Variants in CACNA1H observed in about 807,000 individuals in gnomAD.
CACNA1H encodes voltage-dependent T-type calcium channel subunit alpha-1H.
Under a neutral mutation model 192.5 loss-of-function variants are expected in CACNA1H, and 149 were observed. The ratio of observed to expected loss-of-function variants is 0.77; its 90% CI spans 0.68 to 0.89. The LOEUF (loss-of-function observed/expected upper bound fraction) is 0.89, where lower values mean the gene tolerates loss of function less well. Ranked by LOEUF, CACNA1H falls within the 40% of genes least tolerant of loss-of-function variation. CACNA1H has a pLI of 0.00. For missense variants in CACNA1H, 4,257 were observed against 3,423.5 expected, an observed-to-expected ratio of 1.24 and a Z score of -6.08; for synonymous variants, 2,202 against 1,475.2, an observed-to-expected ratio of 1.49 and a Z score of -11.29.
At chr16:1,200,083 TC>T (rs375730563) in intron 6 of CACNA1H, among the ~76,000 whole-genome samples, 172 bp from the exon 7 acceptor site, 127 of 152,232 alleles carry the variant, frequency 8.3e-4, no homozygotes, top group African/African-American at 3.0e-3. Context: ...TGACCCTCAG[TC>T]CTATCATGCC....
Position 1,207,444 on chromosome 16 carries a change from G to A in CACNA1H, c.3063+14G>A, listed in dbSNP as rs1456671246. 2 of 1,611,490 alleles carry A rather than the reference G, an allele frequency of 1.2e-6. No individual in the cohort carries two copies. The highest frequency in any genetic ancestry group is 2.2e-5 in the South Asian group (2 of 90,886). ...TTCCAGGCGGAGGTGAGGGGGCAGG[G>A]AGAGGGGCTGCCAGGAGGAGGGCGA... On this transcript the variant is annotated intron_variant, in intron 14 of 34. Coordinates refer to ENST00000348261, the MANE Select transcript of CACNA1H (RefSeq NM_021098.3).
intron 16 of CACNA1H, among the ~76,000 whole-genome samples, chr16:1,208,482 A>G (rs1024283665): frequency 6.6e-6 from 1 of 152,194 alleles, no homozygotes; most frequent in Non-Finnish European, 1.5e-5. Context: ...CAGCACAGAA[A>G]GACCGAAGCA....
At position 1,210,511 on chromosome 16, in the gene CACNA1H, A is replaced by G; in HGVS notation, c.3969+18A>G. On this transcript the variant is annotated intron_variant, in intron 19 of 34. Transcript: ENST00000348261. ...GCAGCACCGTGAGTCAGCCAACCCC[A>G]TCGTCCCGGGCCACCACGACCCCCA... 6.2e-7 allele frequency: 1 copy of G among 1,611,094 alleles called. No homozygotes were observed. Among genetic ancestry groups the G allele is most frequent in the Non-Finnish European group, 8.5e-7 (1 of 1,179,582 alleles).
intron 2 of CACNA1H, among the ~76,000 whole-genome samples, chr16:1,188,626 AG>A (rs1402623189): frequency 6.6e-6 from 1 of 152,154 alleles, no homozygotes; most frequent in African/African-American, 2.4e-5. Context: ...GCCCGCGCCC[AG>A]GGGCCGGGAG....
chr16:1,195,052 A>G lies in CACNA1H; in HGVS notation c.380A>G (p.Glu127Gly). The G allele has an allele frequency of 1.9e-6, 3 of 1,593,276 alleles. No homozygotes were observed. Among genetic ancestry groups the G allele is most frequent in the Non-Finnish European group, 2.6e-6 (3 of 1,168,082 alleles). ...ATGTTCCGGCCCTGTGAGGACGTTG[A>G]GTGCGGCTCCGAGCGCTGCAACATC... ...LGMFRPCEDV[E>G]CGSERCNILE... Residue 127 changes from glutamate (E) to glycine (G), a missense_variant, in exon 3 of 35, where the codon GAG becomes GGG. Transcript: ENST00000348261.
rs911317802 is a variant in CACNA1H, at chr16:1,201,882, C to T, written c.1432C>T (p.Leu478Phe). The T allele has an allele frequency of 1.9e-6, 3 of 1,552,776 alleles. No individual in the cohort carries two copies. The highest frequency in any genetic ancestry group is 2.4e-5 in the East Asian group (1 of 41,034). Reference sequence around the variant, plus strand: ...CAAGGTCAAGCGGCGCAGCTTGCGCCTCTACGCCCGCTGGCAGAGCCGCTG... The same window carrying T: ...CAAGGTCAAGCGGCGCAGCTTGCGCTTCTACGCCCGCTGGCAGAGCCGCTG... Reference protein sequence around the residue: ...FRKVKRRSLRLYARWQSRWRK... With the variant: ...FRKVKRRSLRFYARWQSRWRK... The change falls in exon 9 of 35, where the codon CTC (leucine) becomes TTC (phenylalanine). Residue 478 changes from leucine (L) to phenylalanine (F), a missense_variant. Coordinates refer to ENST00000348261, the MANE Select transcript of CACNA1H (RefSeq NM_021098.3).
Position 1,208,200 on chromosome 16 carries a change from A to T in CACNA1H, c.3342A>T (p.Pro1114=), listed in dbSNP as rs540298431. ...GCAGCAGCAGCTCCGGGGACCCGCC[A>T]CTGGGAGACCAGAAGCCTCCGGTAG... ...RRGSSSSGDP[P]LGDQKPPASL... is the part of the protein sequence containing the mutation. Residue 1114 remains proline (P), a synonymous_variant, in exon 16 of 35, where the codon CCA becomes CCT. Coordinates refer to ENST00000348261, the MANE Select transcript of CACNA1H (RefSeq NM_021098.3). 2 of 1,564,228 alleles carry T rather than the reference A, an allele frequency of 1.3e-6. No individual in the cohort carries two copies. The highest frequency in any genetic ancestry group is 2.7e-5 in the African/African-American group (2 of 73,548).
At chr16:1,171,025 C>T (rs1432494421) in intron 2 of CACNA1H, among the ~76,000 whole-genome samples, 1 of 152,100 alleles carries the variant, frequency 6.6e-6, no homozygotes, top group Non-Finnish European at 1.5e-5. Context: ...TCCCCCCAAC[C>T]ACTGCACCCA....
intron 2 of CACNA1H, among the ~76,000 whole-genome samples, chr16:1,185,657 C>T (rs867868785): frequency 0.22 from 1,365 of 6,136 alleles, 162 homozygotes; most frequent in East Asian, 0.46. Flanking sequence ...GGTCGGCATG[C>T]ATAGGGGCCG....
At chr16:1,194,486 G>A (rs866593874) in intron 2 of CACNA1H, among the ~76,000 whole-genome samples, 1 of 152,184 alleles carries the variant, frequency 6.6e-6, no homozygotes, top group South Asian at 2.1e-4. Context: ...TGGAGGGTGG[G>A]ACGGGGAGTC....
In CACNA1H at chr16:1,180,411, G is replaced by GT. The variant is rs1965346471; in HGVS notation, c.300-14560dup. Among the ~76,000 whole-genome samples, 1 of 152,224 alleles carries GT rather than the reference G, an allele frequency of 6.6e-6. No homozygotes were observed. The highest frequency in any genetic ancestry group is 2.4e-5 in the African/African-American group (1 of 41,460). On this transcript the variant is annotated intron_variant, in intron 2 of 34. Coordinates refer to ENST00000348261, the MANE Select transcript of CACNA1H (RefSeq NM_021098.3). The surrounding 1 kb of genome is among the most constrained non-coding windows in gnomAD (Gnocchi z 4.4). The stretch of plus-strand genomic sequence containing the variant: ...GGCACCCCAGGTGTCTGAACCCCAG[G>GT]TCTGTGGAGGCCCGAGGTCTGAAGG...
At chr16:1,206,462 C>A (rs913890665) in intron 12 of CACNA1H, 173 bp downstream of exon 12, 3 of 627,036 alleles carry the variant, frequency 4.8e-6, no homozygotes, top group East Asian at 5.6e-5. Context: ...TGGGCCCCTA[C>A]TGTGTGCCAC....
At position 1,211,225 on chromosome 16, in the gene CACNA1H, C is replaced by G; in HGVS notation, c.4281C>G (p.Leu1427=). The G allele has an allele frequency of 1.2e-6, 2 of 1,613,096 alleles. No homozygotes were observed. The highest frequency in any genetic ancestry group is 1.1e-5 in the South Asian group (1 of 91,082). Reference sequence around the variant, plus strand: ...TGGTGGAGACGCTGATATCATCACTCAGGCCCATTGGGAACATCGTCCTCA... The same window carrying G: ...TGGTGGAGACGCTGATATCATCACTGAGGCCCATTGGGAACATCGTCCTCA... ...KLVVETLISS[L]RPIGNIVLIC... Residue 1427 remains leucine (L), a synonymous_variant, in exon 22 of 35, where the codon CTC becomes CTG. Transcript: ENST00000348261.
chr16:1,200,503 G>C lies in CACNA1H; in HGVS notation c.1051G>C (p.Asp351His). The C allele has an allele frequency of 6.2e-7, 1 of 1,612,300 alleles. No homozygotes were observed. Among genetic ancestry groups the C allele is most frequent in the Non-Finnish European group, 8.5e-7 (1 of 1,179,724 alleles). The change falls in exon 7 of 35, where the codon GAC becomes CAC. Residue 351 changes from aspartate (D) to histidine (H), a missense_variant. Coordinates refer to ENST00000348261, the MANE Select transcript of CACNA1H (RefSeq NM_021098.3). ...GTACTACAACGTGTGCCGCTCGGGT[G>C]ACTCCAACCCCCACAACGGTGCCAT... The part of the protein sequence containing the change: ...NQYYNVCRSG[D>H]SNPHNGAINF...
intron 9 of CACNA1H, 95 bp downstream of exon 9, chr16:1,202,547 C>T: frequency 3.7e-6 from 4 of 1,084,918 alleles, no homozygotes; most frequent in Non-Finnish European, 5.1e-6. Context: ...ATTGTGGGCA[C>T]TCTGATGAGC....
rs71384633 is a variant in CACNA1H, at chr16:1,204,791, C to T, written c.2452-323C>T. The stretch of plus-strand genomic sequence containing the variant: ...GGGGTGGGAGCCGTGGGTGGGGCCC[C>T]AGATCAGTGCCGGGGAGGGGTGGGA... On this transcript the variant is annotated intron_variant, in intron 10 of 34. Transcript: ENST00000348261. Among the ~76,000 whole-genome samples, 19,321 of 121,224 alleles carry T rather than the reference C, an allele frequency of 0.16. 1,996 individuals are homozygous for T. The highest frequency in any genetic ancestry group is 0.22 in the Non-Finnish European group (12,314 of 55,402). 79.5% of individuals were successfully genotyped at this position (121,224 alleles called of 152,430 possible).
intron 2 of CACNA1H, among the ~76,000 whole-genome samples, chr16:1,173,613 GA>G (rs1450164075): frequency 2.0e-5 from 3 of 152,276 alleles, no homozygotes; most frequent in African/African-American, 7.2e-5. Flanking sequence ...TCAGTGAGAA[GA>G]GGGGCTGTGT....
chr16:1,209,896 A>G, intron 17 of CACNA1H, 139 bp from the exon 18 acceptor site: 1 of 669,892 alleles, frequency 1.5e-6, no homozygotes, highest in Non-Finnish European at 2.5e-6. Flanking sequence ...GCCAGAGCCC[A>G]AAGGCCAGCG....
intron 11 of CACNA1H, 82 bp from the exon 12 acceptor site, chr16:1,206,022 C>G: frequency 7.3e-7 from 1 of 1,364,350 alleles, no homozygotes; most frequent in Non-Finnish European, 9.9e-7. Context: ...GGCTCCCTGG[C>G]TGGTGACCCT....
Sources: allele counts gnomAD v4.1 joint callset (sites outside exome capture counted in the v4.1 genomes callset), GRCh38; gene constraint gnomAD v4.1.1; non-coding constraint Gnocchi (gnomAD v3.1); transcripts MANE v1.5; gene names NCBI Gene and HGNC (gene_info 2026-07-23, HGNC 2026-07-21).